Variants in CD44 observed in about 807,000 individuals in gnomAD.
CD44 encodes CD44 molecule (IN blood group).
A neutral mutation model predicts 88.8 loss-of-function variants in CD44; 49 were observed. The ratio of observed to expected loss-of-function variants is 0.55; its 90% CI spans 0.44 to 0.70. The LOEUF (loss-of-function observed/expected upper bound fraction) is 0.70, where lower values mean the gene tolerates loss of function less well. Ranked by LOEUF, CD44 falls within the 30% of genes least tolerant of loss-of-function variation. The pLI, the probability that CD44 is intolerant of heterozygous loss-of-function variation, is 0.00. For missense variants in CD44, 883 were observed against 913.8 expected, an observed-to-expected ratio of 0.97 and a Z score of 0.43; for synonymous variants, 325 against 312.3, an observed-to-expected ratio of 1.04 and a Z score of -0.43.
intron 1 of CD44, among the ~76,000 whole-genome samples, chr11:35,145,513 C>T (rs116880218): frequency 0.042 from 6,410 of 152,110 alleles, 234 homozygotes; most frequent in Admixed American, 0.11. Context: ...TGGCTGCCTG[C>T]TGTGACCGCT....
intron 1 of CD44, among the ~76,000 whole-genome samples, chr11:35,165,620 G>T (rs1943171771): frequency 1.3e-5 from 2 of 152,216 alleles, no homozygotes; most frequent in South Asian, 2.1e-4. Flanking sequence ...AGCTTTTTGA[G>T]ATTTTAATAC....
chr11:35,176,550 C>CT lies in CD44; in HGVS notation c.68-24dup, dbSNP rs755758051. 7.5e-6 allele frequency: 12 copies of CT among 1,594,716 alleles called. No individual in the cohort carries two copies. The South Asian group carries it at 7.9e-5, about 10-fold the overall frequency. On this transcript the variant is annotated intron_variant, in intron 1 of 17. Coordinates refer to ENST00000428726, the MANE Select transcript of CD44 (RefSeq NM_000610.4). ...CTCCAAATTATTTATGCAAAAGAAT[C>CT]TAACATTTCTATTTCTTCCCATAGA...
intron 12 of CD44, 29 bp downstream of exon 12, chr11:35,208,235 T>C (rs776539493): frequency 2.5e-5 from 34 of 1,380,182 alleles, no homozygotes; most frequent in Non-Finnish European, 2.9e-5. Context: ...AGCCACTTTA[T>C]TGACTTGTAT....
chr11:35,151,499 G>A (rs536470841), intron 1 of CD44, among the ~76,000 whole-genome samples: 6 of 152,202 alleles, frequency 3.9e-5, no homozygotes, highest in Non-Finnish European at 7.3e-5. Flanking sequence ...ATAGCAAATA[G>A]ATTTTAGCTC....
intron 17 of CD44, chr11:35,223,070 GT>G: frequency 2.0e-6 from 2 of 985,298 alleles, no homozygotes; most frequent in Non-Finnish European, 2.4e-6. Flanking sequence ...CCATGTTACA[GT>G]CAAACAGCTA....
At chr11:35,222,282 T>G in intron 17 of CD44, 1 of 573,338 alleles carries the variant, frequency 1.7e-6, no homozygotes, top group Non-Finnish European at 3.0e-6. Context: ...GCCTTGTGCT[T>G]TTGTTTGTCG....
intron 1 of CD44, among the ~76,000 whole-genome samples, chr11:35,141,631 C>G (rs1433685757): frequency 6.6e-6 from 1 of 152,224 alleles, no homozygotes; most frequent in Non-Finnish European, 1.5e-5. Context: ...ATATTTGGCA[C>G]TGTCCTAACC....
intron 1 of CD44, among the ~76,000 whole-genome samples, chr11:35,175,377 G>T (rs139639224): frequency 2.6e-4 from 40 of 152,240 alleles, no homozygotes; most frequent in Non-Finnish European, 5.0e-4. Flanking sequence ...AGATTAAGTG[G>T]AAAAATGACT....
chr11:35,169,133 C>A (rs932186144), intron 1 of CD44, among the ~76,000 whole-genome samples: 1 of 152,022 alleles, frequency 6.6e-6, no homozygotes, highest in East Asian at 1.9e-4. Context: ...AGACTGCAGC[C>A]TGTCGGGGGT....
chr11:35,193,069 C>G (rs776338798), intron 5 of CD44, among the ~76,000 whole-genome samples: 14 of 151,972 alleles, frequency 9.2e-5, no homozygotes, highest in Non-Finnish European at 1.9e-4. Flanking sequence ...CCCGGGGATG[C>G]TCAGGTTTGT....
intron 15 of CD44, among the ~76,000 whole-genome samples, chr11:35,217,829 T>C (rs989878632): frequency 2.0e-5 from 3 of 152,238 alleles, no homozygotes; most frequent in African/African-American, 7.2e-5. Flanking sequence ...GGTGGAACAC[T>C]TTCAAATTTT....
Position 35,204,687 on chromosome 11 carries a change from G to T in CD44, c.1282+47G>T, listed in dbSNP as rs1424431676. 1.9e-6 allele frequency: 3 copies of T among 1,571,192 alleles called. No homozygotes were observed. The Admixed American group carries it at 5.0e-5, about 26-fold the overall frequency. ...AAATTTGGATGGAAACTTCCTTTTG[G>T]GTTAAACGGTAGACATTGAGGACAT... On this transcript the variant is annotated intron_variant, in intron 10 of 17. Transcript: ENST00000428726.
chr11:35,184,486 C>A (rs574342812), intron 3 of CD44, among the ~76,000 whole-genome samples: 1 of 152,308 alleles, frequency 6.6e-6, no homozygotes, highest in East Asian at 1.9e-4. Flanking sequence ...TCAGAAGCAT[C>A]TCATAGGTTG....
chr11:35,223,522 G>A (rs947145569), intron 17 of CD44, among the ~76,000 whole-genome samples: 1 of 152,082 alleles, frequency 6.6e-6, no homozygotes, highest in African/African-American at 2.4e-5. Context: ...CTCCCCCATC[G>A]TCTGTGTCTT....
intron 1 of CD44, among the ~76,000 whole-genome samples, chr11:35,157,799 A>G (rs1942096961): frequency 6.6e-6 from 1 of 152,238 alleles, no homozygotes; most frequent in South Asian, 2.1e-4. Context: ...GTGAGGGATA[A>G]GGAGGAAACA....
chr11:35,162,885 C>A (rs141504358), intron 1 of CD44, among the ~76,000 whole-genome samples: 7 of 152,186 alleles, frequency 4.6e-5, no homozygotes, highest in African/African-American at 1.4e-4. Context: ...CAGAAACACA[C>A]ACATACATGC....
At chr11:35,141,957 G>C (rs1858062924) in intron 1 of CD44, among the ~76,000 whole-genome samples, 1 of 152,190 alleles carries the variant, frequency 6.6e-6, no homozygotes, top group Non-Finnish European at 1.5e-5. Flanking sequence ...CTTTGGAAAG[G>C]AGCAAGGCTT....
intron 5 of CD44, among the ~76,000 whole-genome samples, chr11:35,192,624 G>A (rs1946371222): frequency 6.6e-6 from 1 of 152,036 alleles, no homozygotes; most frequent in African/African-American, 2.4e-5. Context: ...TAACCATCTG[G>A]GTAGCTTTAG....
intron 1 of CD44, among the ~76,000 whole-genome samples, chr11:35,174,702 C>A (rs150785117): frequency 2.6e-4 from 39 of 152,308 alleles, no homozygotes; most frequent in African/African-American, 8.7e-4. Context: ...AGCAGTTAGG[C>A]TTCATTTTCA....
Sources: gnomAD v4.1 joint callset for allele counts (sites outside exome capture counted in the v4.1 genomes callset) on GRCh38, gnomAD v4.1.1 for gene constraint, MANE v1.5 for transcripts, NCBI Gene and HGNC (gene_info 2026-07-23, HGNC 2026-07-21) for gene names.